DRP2: variants seen among roughly 807,000 people sequenced by gnomAD.
DRP2 encodes dystrophin related protein 2, also known as dystrophin-related protein 2.
In DRP2, 29 loss-of-function variants were observed where a neutral mutation model predicts 78.2. The observed-to-expected ratio is 0.37, with a 90% CI of 0.28 to 0.51. DRP2 has a LOEUF of 0.51. Ranked by LOEUF, DRP2 falls within the 20% of genes least tolerant of loss-of-function variation. The pLI is 0.94. For missense variants in DRP2, 686 were observed against 770.6 expected, an observed-to-expected ratio of 0.89 and a Z score of 1.30; for synonymous variants, 290 against 281.9, an observed-to-expected ratio of 1.03 and a Z score of -0.29.
At chrX:101,252,920 T>G (rs1370430268) in intron 17 of DRP2, among the ~76,000 whole-genome samples, 2 of 112,218 alleles carry the variant, frequency 1.8e-5, no homozygotes, top group Admixed American at 1.9e-4. Context: ...TGGCCACAGC[T>G]GGCCCAGGAC....
rs190028765 is a variant in DRP2 at position 101,220,901 on chromosome X, A to G, written c.-167+755A>G. On this transcript the variant is annotated intron_variant, in intron 1 of 23. Transcript: ENST00000395209. The stretch of plus-strand genomic sequence containing the variant: ...AGCATAGCTTGGAGTGGTTTCAAAT[A>G]GGGCTTGCTTCTCTTGGAGTCCAAC... 2.5e-3 allele frequency among the ~76,000 whole-genome samples: 278 copies of G among 111,879 alleles called. 2 individuals are homozygous for G. Among genetic ancestry groups the G allele is most frequent in the African/African-American group, 8.6e-3 (265 of 30,782 alleles).
In DRP2 at chrX:101,256,164, C is replaced by A. The variant is rs778563724; in HGVS notation, c.2293C>A (p.Arg765=). 1.7e-6 allele frequency: 2 copies of A among 1,207,065 alleles called. No homozygotes were observed. The highest frequency in any genetic ancestry group is 1.1e-6 in the Non-Finnish European group (1 of 893,445). ...LLRHSSPITD[R]EPAFGQQAPC... is the part of the protein sequence containing the mutation. The stretch of plus-strand genomic sequence containing the variant: ...GCGGCACTCCAGCCCCATCACAGAC[C>A]GGGAGCCAGCCTTTGGACAGCAGGC... Residue 765 remains arginine, a synonymous_variant, in exon 21 of 24, where the codon CGG becomes AGG. Coordinates refer to ENST00000395209, the MANE Select transcript of DRP2 (RefSeq NM_001939.3).
rs146350646 is a variant in DRP2 at position 101,259,535 on chromosome X, G to C, written c.2629-514G>C. On this transcript the variant is annotated intron_variant, in intron 22 of 23. Transcript: ENST00000395209. The stretch of plus-strand genomic sequence containing the variant: ...ATTTTCAAGACAGAGTTTGGCTCTT[G>C]TTGCCCAGGCTGGAGTGTAATGGCT... Among the ~76,000 whole-genome samples, 379 of 111,729 alleles carry C rather than the reference G, an allele frequency of 3.4e-3. 1 individual carries two copies. Among genetic ancestry groups the C allele is most frequent in the African/African-American group, 0.012 (361 of 30,726 alleles).
chrX:101,252,073 T>A (rs1306194698), intron 16 of DRP2, among the ~76,000 whole-genome samples: 1 of 112,307 alleles, frequency 8.9e-6, no homozygotes, highest in African/African-American at 3.2e-5. Context: ...GCTACAAGGT[T>A]GGGCAGTTCA....
chrX:101,221,247 A>G (rs1253637591), intron 1 of DRP2, among the ~76,000 whole-genome samples: 1 of 113,095 alleles, frequency 8.8e-6, no homozygotes, highest in Non-Finnish European at 1.9e-5. Flanking sequence ...AAAAAGCTCT[A>G]TGTCTAGTTC....
intron 1 of DRP2, among the ~76,000 whole-genome samples, chrX:101,223,150 C>T (rs888151477): frequency 2.5e-4 from 28 of 110,679 alleles, no homozygotes; most frequent in African/African-American, 8.9e-4. Flanking sequence ...CCCCAGGTGG[C>T]ACCACCATGC....
chrX:101,258,213 A>G, intron 21 of DRP2, 96 bp from the exon 22 acceptor site: 3 of 747,851 alleles, frequency 4.0e-6, no homozygotes, highest in Admixed American at 3.0e-5. Flanking sequence ...GGAAGAGCAC[A>G]GGGATTGTTC....
rs943479423 is a variant in DRP2 at position 101,250,995 on chromosome X, G to A, written c.1777G>A (p.Ala593Thr). The change falls in exon 16 of 24, where the codon GCT becomes ACT. Residue 593 changes from alanine to threonine, a missense_variant. Transcript: ENST00000395209. ...NLEPQSMVWLAVLHRVTIAEQ... is the reference protein window; with the variant it reads ...NLEPQSMVWLTVLHRVTIAEQ... ...GGAGCCCCAGTCCATGGTGTGGCTG[G>A]CTGTTCTGCATCGGGTCACCATTGC... 10 of 1,210,160 alleles carry A rather than the reference G, an allele frequency of 8.3e-6. No homozygotes were observed. The highest frequency in any genetic ancestry group is 1.0e-5 in the Non-Finnish European group (9 of 895,229).
At chrX:101,245,577 AAAG>A (rs1922905240) in intron 11 of DRP2, 128 bp downstream of exon 11, 3 of 539,750 alleles carry the variant, frequency 5.6e-6, no homozygotes, top group Non-Finnish European at 8.9e-6. Flanking sequence ...CAGCCTTTAG[AAAG>A]AAGGAAATAC....
In DRP2 at chrX:101,250,986, G is replaced by C; in HGVS notation, c.1768G>C (p.Val590Leu). The C allele has an allele frequency of 8.3e-7, 1 of 1,211,856 alleles. No individual in the cohort carries two copies. The highest frequency in any genetic ancestry group is 1.1e-6 in the Non-Finnish European group (1 of 895,480). Residue 590 changes from valine (V) to leucine (L), a missense_variant, in exon 16 of 24, where the codon GTG becomes CTG. Physicochemically the swap from Val to Leu is conservative, Grantham distance 32. Coordinates refer to ENST00000395209, the MANE Select transcript of DRP2 (RefSeq NM_001939.3). ...EWVNLEPQSMVWLAVLHRVTI... is the reference protein window; with the variant it reads ...EWVNLEPQSMLWLAVLHRVTI... ...GGTCAACCTGGAGCCCCAGTCCATG[G>C]TGTGGCTGGCTGTTCTGCATCGGGT...
At chrX:101,247,735 G>A (rs952834758) in intron 12 of DRP2, among the ~76,000 whole-genome samples, 6 of 112,001 alleles carry the variant, frequency 5.4e-5, no homozygotes, top group Non-Finnish European at 9.4e-5. Flanking sequence ...ACTTACAGAC[G>A]AACCTATTTG....
chrX:101,251,479 A>G (rs1164939772), intron 16 of DRP2: 1 of 119,111 alleles, frequency 8.4e-6, no homozygotes, highest in Non-Finnish European at 1.7e-5. Context: ...CAGGCTATTT[A>G]CAAGAGGTCT....
chrX:101,224,191 G>GTTTTGTTTTTTTTTTTTTTTTTTT (rs1922007763), intron 1 of DRP2, among the ~76,000 whole-genome samples: 1 of 38,868 alleles, frequency 2.6e-5, no homozygotes, highest in African/African-American at 1.3e-4. Flanking sequence ...GGTTTTTTTT[G>GTTTTGTTTTTTTTTTTTTTTTTTT]TTTTTTTTTT....
At chrX:101,224,196 T>TTTTG (rs1922014851) in intron 1 of DRP2, among the ~76,000 whole-genome samples, 1 of 45,323 alleles carries the variant, frequency 2.2e-5, no homozygotes, top group African/African-American at 1.5e-4. Flanking sequence ...TTTTTGTTTT[T>TTTTG]TTTTTTTTTT....
rs1922769667 is a variant in DRP2 at position 101,242,492 on chromosome X, GA to G, written c.975+23del. 4 of 1,194,954 alleles carry G rather than the reference GA, an allele frequency of 3.3e-6. No individual in the cohort carries two copies. The Admixed American group carries it at 9.1e-5, about 27-fold the overall frequency. On this transcript the variant is annotated intron_variant, in intron 8 of 23. Coordinates refer to ENST00000395209, the MANE Select transcript of DRP2 (RefSeq NM_001939.3). ...TACAGGTAGAAGAGCAGCCTGGAGT[GA>G]ACCATGGGGAGGTGCCTCCATATAA...
At chrX:101,241,370 T>C (rs1382009723) in intron 6 of DRP2, among the ~76,000 whole-genome samples, 1 of 111,858 alleles carries the variant, frequency 8.9e-6, no homozygotes, top group African/African-American at 3.3e-5. Context: ...TTTTGCAAGA[T>C]GTTGTCATTT....
intron 17 of DRP2, 46 bp downstream of exon 17, chrX:101,252,762 T>C (rs1313184728): frequency 9.6e-7 from 1 of 1,040,647 alleles, no homozygotes; most frequent in South Asian, 2.1e-5. Context: ...AGCTCTCAGG[T>C]ACTAGGCCTT....
intron 4 of DRP2, among the ~76,000 whole-genome samples, chrX:101,236,578 C>T (rs746202969): frequency 8.9e-5 from 10 of 112,049 alleles, no homozygotes; most frequent in South Asian, 3.7e-4. Context: ...CTCAGTTGAT[C>T]GGCTTTCCCT....
chrX:101,224,182 G>GTTTTTTTTT (rs1214156680), intron 1 of DRP2, among the ~76,000 whole-genome samples: 5 of 44,232 alleles, frequency 1.1e-4, no homozygotes, highest in Non-Finnish European at 2.0e-4. Context: ...TGTTTGCTGG[G>GTTTTTTTTT]TTTTTTTTGT....
Sources: allele counts gnomAD v4.1 joint callset (sites outside exome capture counted in the v4.1 genomes callset), GRCh38; gene constraint gnomAD v4.1.1; transcripts MANE v1.5; gene names NCBI Gene and HGNC (gene_info 2026-07-23, HGNC 2026-07-21).